The following MAMLD1 variants were observed in gnomAD, a reference collection of about 807,000 sequenced individuals.
MAMLD1 encodes the protein mastermind-like domain-containing protein 1.
In MAMLD1, 14 loss-of-function variants were observed where a neutral mutation model predicts 45.0. The observed-to-expected ratio is 0.31, with a 90% CI of 0.21 to 0.49. MAMLD1 has a LOEUF of 0.49. MAMLD1 is among the 20% of genes least tolerant of loss of function. MAMLD1 has a pLI of 0.99. For missense variants in MAMLD1, 543 were observed against 603.6 expected, an observed-to-expected ratio of 0.90 and a Z score of 1.05; for synonymous variants, 254 against 247.8, an observed-to-expected ratio of 1.02 and a Z score of -0.24.
chrX:150,427,495 T>G (rs1325697383), intron 1 of MAMLD1, among the ~76,000 whole-genome samples: 1 of 111,675 alleles, frequency 9.0e-6, no homozygotes, highest in Non-Finnish European at 1.9e-5. Flanking sequence ...ATCTGCCCAA[T>G]AGTCTGGAGA....
intron 2 of MAMLD1, among the ~76,000 whole-genome samples, chrX:150,455,576 G>A (rs1341099876): frequency 9.0e-6 from 1 of 110,975 alleles, no homozygotes; most frequent in Non-Finnish European, 1.9e-5. Context: ...ACAAATTTAC[G>A]AAGGCTTTAC....
At position 150,370,225 on chromosome X, in the gene MAMLD1, C is replaced by T. The variant is rs149957829; in HGVS notation, c.-64+6695C>T. 1.8e-3 allele frequency among the ~76,000 whole-genome samples: 193 copies of T among 110,005 alleles called. 1 individual carries two copies. In the East Asian group the frequency reaches 0.05, roughly 28 times the overall value. On this transcript the variant is annotated intron_variant, in intron 1 of 7. Coordinates refer to ENST00000370401, the MANE Select transcript of MAMLD1 (RefSeq NM_005491.5). ...CATCATACACCTCTCACAACGCCAC[C>T]GAGGGGTAACCTAGGCAGCACCAGT...
chrX:150,478,659 C>T (rs1216988628), intron 5 of MAMLD1, among the ~76,000 whole-genome samples: 2 of 112,702 alleles, frequency 1.8e-5, no homozygotes, highest in East Asian at 5.5e-4. Flanking sequence ...AGTGCCTCCA[C>T]TTGCCAGATA....
At chrX:150,487,532 T>G (rs1557407695) in intron 5 of MAMLD1, among the ~76,000 whole-genome samples, 1 of 112,183 alleles carries the variant, frequency 8.9e-6, no homozygotes, top group Non-Finnish European at 1.9e-5. Context: ...ACATCCAACA[T>G]TTTGCAAGCA....
chrX:150,496,115 A>C (rs782795193), intron 5 of MAMLD1, among the ~76,000 whole-genome samples: 182 of 112,128 alleles, frequency 1.6e-3, no homozygotes, highest in Non-Finnish European at 3.0e-3. Flanking sequence ...AAATCCTGCC[A>C]CTCCCTTCTT....
At position 150,396,149 on chromosome X, in the gene MAMLD1, A is replaced by ATTT. The variant is rs151164752; in HGVS notation, c.-64+32645_-64+32647dup. Among the ~76,000 whole-genome samples, 117 of 39,252 alleles carry ATTT rather than the reference A, an allele frequency of 3.0e-3. 11 individuals carry two copies. Among genetic ancestry groups the ATTT allele is most frequent in the African/African-American group, 7.1e-3 (67 of 9,482 alleles). 34.1% of individuals were successfully genotyped at this position (39,252 alleles called of 115,157 possible). A position where few individuals can be genotyped will look rare whatever the true frequency, so the allele number is the denominator to read the frequency against. On this transcript the variant is annotated intron_variant, in intron 1 of 7. Transcript: ENST00000370401. ...AGGCATGCACCACCATACCTGGCTA[A>ATTT]TTTTTTTTTTTTTTTTTTTTTTTTT...
chrX:150,373,404 A>G (rs1603210046), intron 1 of MAMLD1, among the ~76,000 whole-genome samples: 1 of 110,580 alleles, frequency 9.0e-6, no homozygotes, highest in South Asian at 3.9e-4. Flanking sequence ...AGAGTTGGCC[A>G]GGTTAGCCAT....
chrX:150,497,283 CTTTT>C (rs782269885), intron 5 of MAMLD1, among the ~76,000 whole-genome samples: 1 of 85,242 alleles, frequency 1.2e-5, no homozygotes, highest in African/African-American at 4.4e-5. Context: ...TCTTTTTTTT[CTTTT>C]TTTTTTTTTT....
rs781873091 is a variant in MAMLD1 at position 150,445,632 on chromosome X, G to C, written c.96+20G>C. The C allele has an allele frequency of 1.8e-6, 2 of 1,086,790 alleles. No individual in the cohort carries two copies. The highest frequency in any genetic ancestry group is 2.5e-6 in the Non-Finnish European group (2 of 784,944). The allele number at this position is 1,086,790 out of a possible 1,213,427, so 89.6% of individuals were successfully genotyped here. Reference sequence around the variant, plus strand: ...GAATCGGTCAGACAATGGGCCATGGGGGGAGGGGGGTATTTAATGCTTCTA... The same window carrying C: ...GAATCGGTCAGACAATGGGCCATGGCGGGAGGGGGGTATTTAATGCTTCTA... On this transcript the variant is annotated intron_variant, in intron 2 of 7. Coordinates refer to ENST00000370401, the MANE Select transcript of MAMLD1 (RefSeq NM_005491.5).
intron 1 of MAMLD1, among the ~76,000 whole-genome samples, chrX:150,430,399 G>A (rs1557404009): frequency 6.3e-5 from 7 of 110,965 alleles, no homozygotes. Flanking sequence ...TTTTCTCCCA[G>A]TCTACAGCTT....
At chrX:150,435,971 T>C (rs782080489) in intron 1 of MAMLD1, among the ~76,000 whole-genome samples, 4 of 112,409 alleles carry the variant, frequency 3.6e-5, no homozygotes, top group African/African-American at 1.3e-4. Flanking sequence ...CCTTCACTTA[T>C]GAAGCTTAGT....
chrX:150,428,954 A>G (rs1481794903), intron 1 of MAMLD1, among the ~76,000 whole-genome samples: 2 of 111,720 alleles, frequency 1.8e-5, no homozygotes, highest in Non-Finnish European at 3.8e-5. Flanking sequence ...AATAGAGTGG[A>G]GTCTTTGAAA....
At chrX:150,415,572 A>G (rs1322209067) in intron 1 of MAMLD1, among the ~76,000 whole-genome samples, 4 of 112,613 alleles carry the variant, frequency 3.6e-5, no homozygotes, top group Admixed American at 9.4e-5. Context: ...GCTTGATTAG[A>G]TGAATAAACA....
chrX:150,398,834 T>C (rs1557402350), intron 1 of MAMLD1, among the ~76,000 whole-genome samples: 1 of 111,535 alleles, frequency 9.0e-6, no homozygotes, highest in African/African-American at 3.3e-5. Flanking sequence ...TTTATCCATG[T>C]CTGCATCTCC....
chrX:150,488,877 C>T (rs2037081208), intron 5 of MAMLD1, among the ~76,000 whole-genome samples: 1 of 113,027 alleles, frequency 8.8e-6, no homozygotes, highest in Admixed American at 9.3e-5. Context: ...AGCACCTTCT[C>T]TACAGAAACG....
chrX:150,387,988 T>C (rs2033009345), intron 1 of MAMLD1, among the ~76,000 whole-genome samples: 1 of 112,050 alleles, frequency 8.9e-6, no homozygotes, highest in African/African-American at 3.2e-5. Flanking sequence ...TATTTATAAT[T>C]GTCTTTTTCT....
In MAMLD1 at chrX:150,425,030, G is replaced by A. The variant is rs149784001; in HGVS notation, c.-63-20424G>A. On this transcript the variant is annotated intron_variant, in intron 1 of 7. Coordinates refer to ENST00000370401, the MANE Select transcript of MAMLD1 (RefSeq NM_005491.5). The stretch of plus-strand genomic sequence containing the variant: ...GTATCTGGCTTCTTTCACTTAGCAC[G>A]ATGTTTAAACGGTTCATCCATGTTA... Among the ~76,000 whole-genome samples, 621 of 111,893 alleles carry A rather than the reference G, an allele frequency of 5.5e-3. 2 individuals carry two copies. Among genetic ancestry groups the A allele is most frequent in the African/African-American group, 0.019 (594 of 30,800 alleles).
chrX:150,372,801 A>C (rs1399812189), intron 1 of MAMLD1, among the ~76,000 whole-genome samples: 9 of 112,361 alleles, frequency 8.0e-5, no homozygotes, highest in African/African-American at 9.7e-5. Context: ...GAGCATTATC[A>C]TGTTAGTTGC....
intron 1 of MAMLD1, among the ~76,000 whole-genome samples, chrX:150,443,228 C>CTT (rs56969373): frequency 3.6e-5 from 3 of 83,840 alleles, no homozygotes; most frequent in East Asian, 7.8e-4. Flanking sequence ...TCTTTGAATA[C>CTT]TTTTTTTTTT....
Sources: allele counts gnomAD v4.1 joint callset (sites outside exome capture counted in the v4.1 genomes callset), GRCh38; gene constraint gnomAD v4.1.1; transcripts MANE v1.5; gene names NCBI Gene and HGNC (gene_info 2026-07-23, HGNC 2026-07-21).